Variants in MAP3K3 observed in about 807,000 individuals in gnomAD.
MAP3K3 encodes MAP/ERK kinase kinase 3.
A neutral mutation model predicts 80.9 loss-of-function variants in MAP3K3; 12 were observed. That is an observed-to-expected ratio of 0.15 (90% CI 0.10 to 0.24). MAP3K3 has a LOEUF of 0.24. Among genes scored for constraint, MAP3K3 ranks in the 10% least tolerant of loss-of-function variants. The pLI is 1.00. For missense variants in MAP3K3, 596 were observed against 834.7 expected, an observed-to-expected ratio of 0.71 and a Z score of 3.52; for synonymous variants, 272 against 307.1, an observed-to-expected ratio of 0.89 and a Z score of 1.19.
chr17:63,635,892 A>T (rs1030241416), intron 2 of MAP3K3, among the ~76,000 whole-genome samples: 3 of 152,202 alleles, frequency 2.0e-5, no homozygotes, highest in African/African-American at 7.2e-5. Flanking sequence ...GTCTAATTGG[A>T]TTACAGATTC....
At chr17:63,671,271 T>TTA (rs1419829929) in intron 6 of MAP3K3, among the ~76,000 whole-genome samples, 46 of 151,476 alleles carry the variant, frequency 3.0e-4, no homozygotes, top group African/African-American at 1.1e-3. Flanking sequence ...TTTTTTTTTT[T>TTA]TTTGTGACGG....
chr17:63,624,575 C>T (rs780686755), intron 1 of MAP3K3, among the ~76,000 whole-genome samples: 1 of 152,208 alleles, frequency 6.6e-6, no homozygotes, highest in Non-Finnish European at 1.5e-5. Context: ...TAGGCTGGGT[C>T]TAGAGCCCCA....
Position 63,688,811 on chromosome 17 carries a change from C to T in MAP3K3, c.801C>T (p.Asp267=), listed in dbSNP as rs775293124. Reference sequence around the variant, plus strand: ...CAGATCGGGAAACTCAGCTTTATGACAAAGGGGTCAAAGGTGGAACCTACC... The same window carrying T: ...CAGATCGGGAAACTCAGCTTTATGATAAAGGGGTCAAAGGTGGAACCTACC... ...EYSDRETQLY[D]KGVKGGTYPR... Residue 267 remains aspartate (D), a synonymous_variant, in exon 10 of 16, where the codon GAC becomes GAT. Coordinates refer to ENST00000361733, the MANE Select transcript of MAP3K3 (RefSeq NM_002401.5). 1 of 1,613,784 alleles carries T rather than the reference C, an allele frequency of 6.2e-7. No homozygotes were observed. Among genetic ancestry groups the T allele is most frequent in the East Asian group, 2.2e-5 (1 of 44,866 alleles).
At chr17:63,650,149 A>G (rs1044605499) in intron 3 of MAP3K3, among the ~76,000 whole-genome samples, 11 of 152,122 alleles carry the variant, frequency 7.2e-5, no homozygotes, top group African/African-American at 2.7e-4. Context: ...GCATCTTTTC[A>G]TGTGTTTTAT....
At chr17:63,667,363 C>A (rs1192816019) in intron 6 of MAP3K3, among the ~76,000 whole-genome samples, 1 of 152,178 alleles carries the variant, frequency 6.6e-6, no homozygotes, top group Non-Finnish European at 1.5e-5. Context: ...TGTTTACACT[C>A]ACTTTTGACC....
At chr17:63,685,726 C>A (rs2143586660) in intron 8 of MAP3K3, 136 bp downstream of exon 8, 2 of 685,350 alleles carry the variant, frequency 2.9e-6, no homozygotes, top group South Asian at 1.6e-5. Context: ...TTAATTTCCC[C>A]AACACCACGA....
intron 6 of MAP3K3, chr17:63,672,876 A>G (rs1280037041): frequency 6.6e-6 from 1 of 152,240 alleles, no homozygotes; most frequent in Non-Finnish European, 1.5e-5. Flanking sequence ...GCTGGTACAG[A>G]CAAGACTTTC....
intron 5 of MAP3K3, among the ~76,000 whole-genome samples, chr17:63,665,659 C>G (rs1466722248): frequency 1.3e-5 from 2 of 152,116 alleles, no homozygotes; most frequent in Non-Finnish European, 2.9e-5. Flanking sequence ...TGCCTGCCTC[C>G]CCAGTATGTG....
chr17:63,626,418 A>G (rs1254780144), intron 1 of MAP3K3, among the ~76,000 whole-genome samples: 1 of 152,238 alleles, frequency 6.6e-6, no homozygotes, highest in Non-Finnish European at 1.5e-5. Context: ...TATAGTCTCC[A>G]GTCCTTTGGG....
chr17:63,683,036 TTC>T (rs1374559583), intron 7 of MAP3K3, among the ~76,000 whole-genome samples: 1 of 152,210 alleles, frequency 6.6e-6, no homozygotes, highest in African/African-American at 2.4e-5. Context: ...TCTAGCTTCA[TTC>T]TGGTCTTTTC....
At chr17:63,640,731 G>C (rs1159311432) in intron 2 of MAP3K3, among the ~76,000 whole-genome samples, 1 of 152,154 alleles carries the variant, frequency 6.6e-6, no homozygotes, top group Non-Finnish European at 1.5e-5. Flanking sequence ...AGTACAAGGA[G>C]GGGGAGAACA....
intron 1 of MAP3K3, among the ~76,000 whole-genome samples, chr17:63,625,148 T>A (rs1164280765): frequency 5.9e-5 from 9 of 152,336 alleles, no homozygotes; most frequent in African/African-American, 2.2e-4. Context: ...AACAGTCACA[T>A]TTTCCTGAGC....
At chr17:63,690,472 C>T in intron 12 of MAP3K3, 60 bp downstream of exon 12, 1 of 1,570,102 alleles carries the variant, frequency 6.4e-7, no homozygotes, top group Non-Finnish European at 8.7e-7. Flanking sequence ...GCCTGTCTTA[C>T]CACACAGAGT....
intron 3 of MAP3K3, among the ~76,000 whole-genome samples, chr17:63,646,863 A>G (rs1451257867): frequency 6.6e-6 from 1 of 152,180 alleles, no homozygotes; most frequent in Non-Finnish European, 1.5e-5. Flanking sequence ...TGTGCGGCAC[A>G]TGTACACATA....
intron 2 of MAP3K3, among the ~76,000 whole-genome samples, chr17:63,635,133 T>G (rs961986536): frequency 6.6e-5 from 10 of 152,240 alleles, no homozygotes; most frequent in African/African-American, 2.2e-4. Context: ...TTTAATTAAT[T>G]TAGACAGCCA....
chr17:63,636,460 G>C (rs2034325900), intron 2 of MAP3K3: 1 of 152,640 alleles, frequency 6.6e-6, no homozygotes, highest in Admixed American at 6.5e-5. Flanking sequence ...TCCTACGTGT[G>C]GCTGGGTCCT....
At chr17:63,638,878 T>G (rs1015208710) in intron 2 of MAP3K3, among the ~76,000 whole-genome samples, 14 of 152,064 alleles carry the variant, frequency 9.2e-5, no homozygotes, top group Non-Finnish European at 1.8e-4. Flanking sequence ...ATACAAAAAT[T>G]AGCTGGGCAT....
intron 8 of MAP3K3, among the ~76,000 whole-genome samples, chr17:63,687,385 C>CAT (rs2035476998): frequency 6.7e-6 from 1 of 149,756 alleles, no homozygotes; most frequent in Non-Finnish European, 1.5e-5. Context: ...TGGTGGCAGG[C>CAT]GCCGTAATCC....
At position 63,675,681 on chromosome 17, in the gene MAP3K3, CCTCT is replaced by C. The variant is rs559682727; in HGVS notation, c.503-6080_503-6077del. On this transcript the variant is annotated intron_variant, in intron 6 of 15. Coordinates refer to ENST00000361733, the MANE Select transcript of MAP3K3 (RefSeq NM_002401.5). ...AAATACCTTCATGGGAAACTGTGGG[CCTCT>C]CTCTGAACAGTGGAACTGCTACTGT... is the stretch of plus-strand genomic sequence containing the variant. Among the ~76,000 whole-genome samples, 815 of 152,292 alleles carry C rather than the reference CCTCT, an allele frequency of 5.4e-3. 5 individuals are homozygous for C. Among genetic ancestry groups the C allele is most frequent in the African/African-American group, 0.018 (744 of 41,554 alleles).
Sources: allele counts gnomAD v4.1 joint callset (sites outside exome capture counted in the v4.1 genomes callset), GRCh38; gene constraint gnomAD v4.1.1; transcripts MANE v1.5; gene names NCBI Gene and HGNC (gene_info 2026-07-23, HGNC 2026-07-21).